The following NYAP2 variants were observed in gnomAD, a reference collection of about 807,000 sequenced individuals.
The protein encoded by NYAP2 is neuronal tyrosine-phosphorylated phosphoinositide-3-kinase adapter 2.
NYAP2 carries 23 observed loss-of-function variants against 50.4 expected under a neutral mutation model. That is an observed-to-expected ratio of 0.46 (90% CI 0.33 to 0.65). The LOEUF is 0.65. NYAP2 is among the 30% of genes least tolerant of loss of function. The pLI, the probability that NYAP2 is intolerant of heterozygous loss-of-function variation, is 0.02. For synonymous variants in NYAP2, 394 were observed against 365.2 expected, an observed-to-expected ratio of 1.08 and a Z score of -0.90; for missense variants, 885 against 861.0, an observed-to-expected ratio of 1.03 and a Z score of -0.35.
chr2:225,451,577 A>C (rs1295286465), intron 3 of NYAP2, among the ~76,000 whole-genome samples: 1 of 152,144 alleles, frequency 6.6e-6, no homozygotes, highest in South Asian at 2.1e-4. Context: ...TGTGATTGTA[A>C]TTTAGAATAA....
intron 3 of NYAP2, among the ~76,000 whole-genome samples, chr2:225,469,734 GC>G (rs1689982376): frequency 6.6e-6 from 1 of 152,036 alleles, no homozygotes; most frequent in Admixed American, 6.6e-5. Context: ...ATTATTCTCA[GC>G]AAACTAACAC....
the NYAP2 span, among the ~76,000 whole-genome samples, chr2:225,679,373 CAT>C: frequency 6.6e-6 from 1 of 151,748 alleles, no homozygotes; most frequent in Non-Finnish European, 1.5e-5. Context: ...CATTAATGCA[CAT>C]GATAGTTATA....
chr2:225,643,850 A>G (rs1354669488), intron 6 of NYAP2, among the ~76,000 whole-genome samples: 1 of 151,034 alleles, frequency 6.6e-6, no homozygotes, highest in Non-Finnish European at 1.5e-5. Context: ...TCATTGTTGG[A>G]CATTTGGGTT....
intron 3 of NYAP2, among the ~76,000 whole-genome samples, chr2:225,450,272 C>G (rs1024418161): frequency 1.3e-5 from 2 of 152,042 alleles, no homozygotes; most frequent in Non-Finnish European, 2.9e-5. Flanking sequence ...GTAGAAAATA[C>G]CCAGCTGGAA....
intron 5 of NYAP2, among the ~76,000 whole-genome samples, chr2:225,608,215 T>C (rs1241690879): frequency 6.6e-6 from 1 of 152,190 alleles, no homozygotes; most frequent in Admixed American, 6.6e-5. Flanking sequence ...TTTATATTTC[T>C]GCATTTTTAA....
chr2:225,600,415 T>G (rs1692673377), intron 5 of NYAP2, among the ~76,000 whole-genome samples: 1 of 152,148 alleles, frequency 6.6e-6, no homozygotes, highest in Non-Finnish European at 1.5e-5. Flanking sequence ...TTTCTAATCT[T>G]TTGGCTAATT....
chr2:225,602,879 A>G (rs961391206), intron 5 of NYAP2, among the ~76,000 whole-genome samples: 5 of 152,092 alleles, frequency 3.3e-5, no homozygotes, highest in Non-Finnish European at 7.4e-5. Flanking sequence ...AAATCGGGCC[A>G]TGTGAGACCT....
chr2:225,415,617 C>T (rs956233058), intron 3 of NYAP2, among the ~76,000 whole-genome samples: 2 of 152,062 alleles, frequency 1.3e-5, no homozygotes, highest in African/African-American at 4.8e-5. Flanking sequence ...CTCATTGCAC[C>T]ATGAATAGCT....
chr2:225,404,489 T>C (rs556862287), intron 2 of NYAP2, among the ~76,000 whole-genome samples: 1 of 151,618 alleles, frequency 6.6e-6, no homozygotes, highest in Non-Finnish European at 1.5e-5. Context: ...TGGAAAAGTA[T>C]AATGATGGCC....
chr2:225,564,152 G>A (rs1574680350), intron 4 of NYAP2, among the ~76,000 whole-genome samples: 2 of 151,984 alleles, frequency 1.3e-5, no homozygotes, highest in East Asian at 1.9e-4. Context: ...CTAAGGCAAG[G>A]AAGACTAAGG....
chr2:225,405,997 G>T (rs1204326560), intron 2 of NYAP2, among the ~76,000 whole-genome samples: 1 of 151,876 alleles, frequency 6.6e-6, no homozygotes, highest in African/African-American at 2.4e-5. Flanking sequence ...CCACATTTAA[G>T]AATTGGGAAA....
intron 4 of NYAP2, among the ~76,000 whole-genome samples, chr2:225,524,373 G>A (rs536848353): frequency 1.3e-5 from 2 of 152,260 alleles, no homozygotes; most frequent in Admixed American, 1.3e-4. Context: ...TCTTCTACCT[G>A]CTTTTATTCT....
At chr2:225,622,547 TTCTTTCTTTC>T (rs1693129941) in intron 5 of NYAP2, among the ~76,000 whole-genome samples, 6 of 43,118 alleles carry the variant, frequency 1.4e-4, no homozygotes, top group African/African-American at 4.4e-4. Flanking sequence ...CTTTCTTTCT[TTCTTTCTTTC>T]TTTTTCTTTC....
intron 3 of NYAP2, among the ~76,000 whole-genome samples, chr2:225,456,762 T>C (rs1432254052): frequency 6.6e-6 from 1 of 152,186 alleles, no homozygotes; most frequent in Non-Finnish European, 1.5e-5. Flanking sequence ...TTTTTGTGTC[T>C]GTTCCCATAT....
chr2:225,559,502 G>C (rs1691835223), intron 4 of NYAP2, among the ~76,000 whole-genome samples: 1 of 152,062 alleles, frequency 6.6e-6, no homozygotes, highest in African/African-American at 2.4e-5. Context: ...CTAAGCTGAA[G>C]ATTTTTGCCT....
At chr2:225,424,152 A>G (rs905246836) in intron 3 of NYAP2, among the ~76,000 whole-genome samples, 1 of 152,166 alleles carries the variant, frequency 6.6e-6, no homozygotes, top group Non-Finnish European at 1.5e-5. Flanking sequence ...TTTCAAATTA[A>G]TTAACGTAGA....
intron 3 of NYAP2, among the ~76,000 whole-genome samples, chr2:225,503,481 A>G (rs1263360679): frequency 3.3e-5 from 5 of 152,188 alleles, no homozygotes; most frequent in African/African-American, 1.2e-4. Flanking sequence ...AGTCTCTTAA[A>G]GATGTTCCAT....
At chr2:225,656,322 A>T (rs1693824736), downstream of NYAP2, among the ~76,000 whole-genome samples, 1 of 152,176 alleles carries the variant, frequency 6.6e-6, no homozygotes, top group Non-Finnish European at 1.5e-5. Context: ...TGCCCAGCCC[A>T]GTCCCTTCTG....
exon 6 of NYAP2, chr2:225,627,108 G>A (rs1287990727): frequency 1.9e-6 from 3 of 1,588,016 alleles, no homozygotes; most frequent in Non-Finnish European, 2.6e-6. Context: ...CACCTTGTTA[G>A]CGGGAAACCA....
Sources: allele counts gnomAD v4.1 joint callset (sites outside exome capture counted in the v4.1 genomes callset), GRCh38; gene constraint gnomAD v4.1.1; transcripts MANE v1.5; gene names NCBI Gene and HGNC (gene_info 2026-07-23, HGNC 2026-07-21).